RGPD3: variants seen among roughly 807,000 people sequenced by gnomAD.
RGPD3 encodes ranBP2-like and GRIP domain-containing protein 3.
RGPD3 carries 62 observed loss-of-function variants against 154.5 expected under a neutral mutation model. The observed-to-expected ratio is 0.40, with a 90% CI of 0.33 to 0.50. The LOEUF is 0.50. Ranked by LOEUF, RGPD3 falls within the 20% of genes least tolerant of loss-of-function variation. RGPD3 has a pLI of 0.59. For missense variants in RGPD3, 919 were observed against 1,716.8 expected (o/e 0.54, Z 8.21); for synonymous variants, 308 against 607.0 (o/e 0.51, Z 7.24).
chr2:106,455,197 T>C lies in RGPD3; in HGVS notation c.405+1774A>G, dbSNP rs1444788931. On this transcript the variant is annotated intron_variant, in intron 4 of 22. Transcript: ENST00000409886. ...AAATAGAAATAAAAAAAGTGAAAGG[T>C]TAAATTGTGGACCATGAAATACTAC... is the stretch of plus-strand genomic sequence containing the variant. 5.3e-5 allele frequency among the ~76,000 whole-genome samples: 8 copies of C among 150,664 alleles called. No individual in the cohort carries two copies. The South Asian group carries it at 1.7e-3, about 32-fold the overall frequency.
At chr2:106,441,495 A>C in intron 7 of RGPD3, 115 bp from the exon 8 acceptor site, 2 of 1,057,660 alleles carry the variant, frequency 1.9e-6, no homozygotes, top group South Asian at 3.4e-5. Context: ...GTTAACCATT[A>C]ATTAAACTGA....
chr2:106,470,891 C>G (rs1678797103), upstream of RGPD3: 3 of 1,592,006 alleles, frequency 1.9e-6, no homozygotes, highest in African/African-American at 2.7e-5. Flanking sequence ...TGTTGGACAT[C>G]GTCAGAGAGG....
At chr2:106,467,001 G>T (rs1678630597) in intron 1 of RGPD3, among the ~76,000 whole-genome samples, 1 of 119,542 alleles carries the variant, frequency 8.4e-6, no homozygotes, top group African/African-American at 2.8e-5. Flanking sequence ...GCCGCCGCCT[G>T]GCCAGGTCGA....
intron 22 of RGPD3, among the ~76,000 whole-genome samples, chr2:106,409,410 T>A (rs1676604656): frequency 6.6e-6 from 1 of 152,030 alleles, no homozygotes; most frequent in South Asian, 2.1e-4. Context: ...CATTAAGAAT[T>A]TTCAGTGAAG....
At chr2:106,407,913 CTTTT>C (rs1353872630) in intron 22 of RGPD3, among the ~76,000 whole-genome samples, 1 of 135,650 alleles carries the variant, frequency 7.4e-6, no homozygotes, top group Admixed American at 7.8e-5. Context: ...GGTTGCTGGG[CTTTT>C]TTTCTTTATT....
intron 22 of RGPD3, among the ~76,000 whole-genome samples, chr2:106,407,539 T>C (rs925999591): frequency 6.6e-6 from 1 of 150,430 alleles, no homozygotes; most frequent in African/African-American, 2.4e-5. Context: ...GAGAACCAGA[T>C]GACTATAAAC....
chr2:106,413,193 C>T lies in RGPD3; in HGVS notation c.5157G>A (p.Gln1719=). ...NVEHLKNVLL[Q]FIFLKPGSER... ...CACTACCTGGCTTCAAGAAAATGAA[C>T]TGCAGCAAGACGTTCTTCAAGTGTT... The change falls in exon 22 of 23, where the codon CAG becomes CAA. Residue 1719 remains glutamine, a synonymous_variant. Coordinates refer to ENST00000409886, the MANE Select transcript of RGPD3 (RefSeq NM_001144013.2). 6.2e-7 allele frequency: 1 copy of T among 1,611,994 alleles called. No homozygotes were observed. Among genetic ancestry groups the T allele is most frequent in the Non-Finnish European group, 8.5e-7 (1 of 1,179,864 alleles).
At chr2:106,461,402 C>G (rs1398806993) in intron 1 of RGPD3, among the ~76,000 whole-genome samples, 1 of 152,146 alleles carries the variant, frequency 6.6e-6, no homozygotes, top group Non-Finnish European at 1.5e-5. Context: ...TAGTATGTAA[C>G]TAGCAGGTGG....
upstream of RGPD3, among the ~76,000 whole-genome samples, chr2:106,470,638 C>T (rs1678789986): frequency 6.6e-6 from 1 of 151,764 alleles, no homozygotes; most frequent in African/African-American, 2.4e-5. Context: ...GTATCACATA[C>T]ATCACAAGGG....
In RGPD3 at chr2:106,423,754, G is replaced by A. The variant is rs771410336; in HGVS notation, c.4213C>T (p.Leu1405Phe). 185 of 1,611,692 alleles carry A rather than the reference G, an allele frequency of 1.1e-4. No individual in the cohort carries two copies. The highest frequency in any genetic ancestry group is 1.5e-4 in the Non-Finnish European group (173 of 1,179,856). Residue 1405 changes from leucine (L) to phenylalanine (F), a missense_variant, in exon 20 of 23, where the codon CTT becomes TTT. Transcript: ENST00000409886. The stretch of plus-strand genomic sequence containing the variant: ...GGAGTTATTCTGTGATTGGCACAAA[G>A]TTTTAATACTTGGTCCCTTCTCATC... ...ILMRRDQVLK[L>F]CANHRITPDM... is the part of the protein sequence containing the mutation.
At chr2:106,441,155 A>G in intron 8 of RGPD3, 138 bp downstream of exon 8, 2 of 1,005,396 alleles carry the variant, frequency 2.0e-6, no homozygotes, top group Non-Finnish European at 2.9e-6. Context: ...TTCCATACCT[A>G]TTGCTCTTAA....
chr2:106,434,151 C>G, intron 15 of RGPD3, 77 bp downstream of exon 15: 2 of 1,597,524 alleles, frequency 1.3e-6, no homozygotes, highest in South Asian at 1.1e-5. Flanking sequence ...TTGAAATTAC[C>G]AAAATATAAG....
upstream of RGPD3, among the ~76,000 whole-genome samples, chr2:106,468,805 C>CAAAAAA (rs57971663): frequency 1.8e-5 from 1 of 56,916 alleles, no homozygotes; most frequent in Non-Finnish European, 2.9e-5. Context: ...GACTCCATCT[C>CAAAAAA]AAAAAAAAAA....
chr2:106,449,820 A>G (rs1409959081), intron 6 of RGPD3, among the ~76,000 whole-genome samples: 2 of 151,688 alleles, frequency 1.3e-5, no homozygotes, highest in African/African-American at 4.8e-5. Context: ...TATCAAGACC[A>G]TCCTGGCTAA....
At chr2:106,418,101 C>T (rs2104449931) in intron 20 of RGPD3, among the ~76,000 whole-genome samples, 1 of 144,104 alleles carries the variant, frequency 6.9e-6, no homozygotes, top group African/African-American at 2.5e-5. Context: ...GCACTTCAGC[C>T]TGGTGACAGA....
intron 19 of RGPD3, 68 bp from the exon 20 acceptor site, chr2:106,425,334 C>A: frequency 1.3e-6 from 2 of 1,597,992 alleles, no homozygotes; most frequent in East Asian, 4.5e-5. Context: ...TACATACCTT[C>A]TTCATTCCTA....
chr2:106,465,964 G>A (rs1045539473), intron 1 of RGPD3, among the ~76,000 whole-genome samples: 5 of 152,028 alleles, frequency 3.3e-5, no homozygotes, highest in African/African-American at 9.7e-5. Flanking sequence ...ACCCGGAGCT[G>A]CGTCAGTCCC....
At chr2:106,441,722 G>A (rs1379040496) in intron 7 of RGPD3, among the ~76,000 whole-genome samples, 2 of 151,398 alleles carry the variant, frequency 1.3e-5, no homozygotes, top group African/African-American at 2.4e-5. Flanking sequence ...AAAGAGCCAG[G>A]CGTGGTGGCA....
intron 1 of RGPD3, among the ~76,000 whole-genome samples, chr2:106,466,889 C>G (rs1244760793): frequency 4.2e-5 from 4 of 94,968 alleles, no homozygotes; most frequent in Non-Finnish European, 4.4e-5. Flanking sequence ...GCCGCCGGGC[C>G]GGGTCGAGGC....
Sources: allele counts gnomAD v4.1 joint callset (sites outside exome capture counted in the v4.1 genomes callset), GRCh38; gene constraint gnomAD v4.1.1; transcripts MANE v1.5; gene names NCBI Gene and HGNC (gene_info 2026-07-23, HGNC 2026-07-21).